The following KCTD17 variants were observed in gnomAD, a reference collection of about 807,000 sequenced individuals.
KCTD17 encodes BTB/POZ domain-containing protein KCTD17.
KCTD17 carries 20 observed loss-of-function variants against 41.5 expected under a neutral mutation model. The observed-to-expected ratio is 0.48, with a 90% confidence interval of 0.34 to 0.70. KCTD17 has a LOEUF of 0.70. KCTD17 is among the 30% of genes least tolerant of loss of function. The pLI is 0.01. For missense variants in KCTD17, 317 were observed against 427.2 expected (o/e 0.74, Z 2.27); for synonymous variants, 156 against 173.8 (o/e 0.90, Z 0.80).
Position 37,062,815 on chromosome 22 carries a change from C to G in KCTD17, c.*221C>G. ...GATGTGTGGCAATGTCTGGCTGTGT[C>G]TCTCCGGCACCTGCGTCCCCTCTCC... On this transcript the variant is annotated 3_prime_UTR_variant, in exon 9 of 9. Coordinates refer to ENST00000403888, the MANE Select transcript of KCTD17 (RefSeq NM_001282684.2). 9.7e-7 allele frequency: 1 copy of G among 1,033,542 alleles called. No individual in the cohort carries two copies. Among genetic ancestry groups the G allele is most frequent in the African/African-American group, 1.6e-5 (1 of 61,742 alleles). The allele number at this position is 1,033,542 out of a possible 1,614,324, so 64.0% of individuals were successfully genotyped here.
At position 37,059,535 on chromosome 22, in the gene KCTD17, C is replaced by T. The variant is rs1254525786; in HGVS notation, c.612+97C>T. 16 of 1,392,336 alleles carry T rather than the reference C, an allele frequency of 1.1e-5. No individual in the cohort carries two copies. In the African/African-American group the frequency reaches 2.0e-4, roughly 17 times the overall value. 86.2% of individuals were successfully genotyped at this position (1,392,336 alleles called of 1,614,324 possible). A position where few individuals can be genotyped will look rare whatever the true frequency, so the allele number is the denominator to read the frequency against. On this transcript the variant is annotated intron_variant, in intron 5 of 8. Transcript: ENST00000403888. ...CCCTGCGCCTGCACCATCCCTCCAC[C>T]TCTCTCCCGCCACCGCCCATGCACA...
chr22:37,055,494 C>G (rs1020390721), intron 2 of KCTD17: 3 of 152,222 alleles, frequency 2.0e-5, no homozygotes, highest in Non-Finnish European at 4.4e-5. Flanking sequence ...GCTCTGTCCC[C>G]AGGGAGCCCA....
chr22:37,059,495 C>T (rs964137208), intron 5 of KCTD17, 57 bp downstream of exon 5: 1 of 1,543,656 alleles, frequency 6.5e-7, no homozygotes, highest in African/African-American at 1.3e-5. Context: ...CCTCCACCCT[C>T]CCCGCCTGTC....
At chr22:37,057,554 A>T in intron 4 of KCTD17, 61 bp downstream of exon 4, 3 of 1,335,342 alleles carry the variant, frequency 2.2e-6, no homozygotes, top group Non-Finnish European at 3.2e-6. Flanking sequence ...CCTCTGACCA[A>T]GCAGGCCCCT....
In KCTD17 at chr22:37,061,255, G is replaced by A. The variant is rs982831531; in HGVS notation, c.784+80G>A. Reference sequence around the variant, plus strand: ...GCCTCTTCCCTCTCTGCCCCTGTCCGGGTTTTCTCTCTGCCTGCTCACGCC... The same window carrying A: ...GCCTCTTCCCTCTCTGCCCCTGTCCAGGTTTTCTCTCTGCCTGCTCACGCC... On this transcript the variant is annotated intron_variant, in intron 7 of 8. Transcript: ENST00000403888. This position sits in a 1 kb window ranked among gnomAD's most constrained non-coding sequence, Gnocchi z 6.6. 46 of 1,543,990 alleles carry A rather than the reference G, an allele frequency of 3.0e-5. No individual in the cohort carries two copies. The highest frequency in any genetic ancestry group is 4.8e-5 in the South Asian group (4 of 83,952).
In KCTD17 at chr22:37,056,412, G is replaced by A; in HGVS notation, c.390+1G>A. On this transcript the variant is annotated splice_donor_variant, in intron 3 of 8. Transcript: ENST00000403888. LOFTEE classifies it high-confidence loss of function. ...AGAGAAGGACTACACGGTCACCCAG[G>A]TCGGGAGCAGGGGCAGCACACACGG... 6.2e-7 allele frequency: 1 copy of A among 1,612,874 alleles called. No homozygotes were observed. Among genetic ancestry groups the A allele is most frequent in the Non-Finnish European group, 8.5e-7 (1 of 1,179,178 alleles).
chr22:37,059,725 AG>A (rs1925557317), intron 5 of KCTD17, among the ~76,000 whole-genome samples: 1 of 152,300 alleles, frequency 6.6e-6, no homozygotes, highest in East Asian at 1.9e-4. Flanking sequence ...GGCATGGACT[AG>A]GGGTCAGGGC....
chr22:37,057,264 C>G (rs544074937), intron 3 of KCTD17, 134 bp from the exon 4 acceptor site: 8 of 744,640 alleles, frequency 1.1e-5, no homozygotes, highest in Admixed American at 6.0e-5. Context: ...CTGCCTCCCC[C>G]CAACCACCTC....
chr22:37,051,746 A>C lies in KCTD17; in HGVS notation c.-15A>C, dbSNP rs1004803237. 8 of 1,216,594 alleles carry C rather than the reference A, an allele frequency of 6.6e-6. No homozygotes were observed. The highest frequency in any genetic ancestry group is 7.2e-6 in the Non-Finnish European group (7 of 978,766). The allele number at this position is 1,216,594 out of a possible 1,614,324, so 75.4% of individuals were successfully genotyped here. ...CCCAGCGCCCGGGAGGAGGATGCAG[A>C]CGCCGCGGCCGGCGATGAGGATGGA... is the stretch of plus-strand genomic sequence containing the variant. On this transcript the variant is annotated 5_prime_UTR_variant, in exon 1 of 9. Coordinates refer to ENST00000403888, the MANE Select transcript of KCTD17 (RefSeq NM_001282684.2).
chr22:37,056,489 AGAG>A (rs1925133252), intron 3 of KCTD17, 78 bp downstream of exon 3: 2 of 1,250,046 alleles, frequency 1.6e-6, no homozygotes, highest in African/African-American at 3.0e-5. Context: ...GGCGGGAAGC[AGAG>A]GAGGTTGGGA....
rs1435573456 is a variant in KCTD17 at position 37,062,635 on chromosome 22, A to G, written c.*41A>G. 6.3e-7 allele frequency: 1 copy of G among 1,590,926 alleles called. No homozygotes were observed. ...TACCATGGGGTGGGCCCCGGGCCTG[A>G]GAAGGAAGAAGCACCCTCTCCCCGG... On this transcript the variant is annotated 3_prime_UTR_variant, in exon 9 of 9. Coordinates refer to ENST00000403888, the MANE Select transcript of KCTD17 (RefSeq NM_001282684.2).
chr22:37,061,731 AC>A lies in KCTD17; in HGVS notation c.875+104del. 6.8e-7 allele frequency: 1 copy of A among 1,475,062 alleles called. No individual in the cohort carries two copies. Among genetic ancestry groups the A allele is most frequent in the Non-Finnish European group, 9.0e-7 (1 of 1,107,694 alleles). The allele number at this position is 1,475,062 out of a possible 1,614,324, so 91.4% of individuals were successfully genotyped here. A position where few individuals can be genotyped will look rare whatever the true frequency, so the allele number is the denominator to read the frequency against. On this transcript the variant is annotated intron_variant, in intron 8 of 8. Transcript: ENST00000403888. The surrounding 1 kb of genome is among the most constrained non-coding windows in gnomAD (Gnocchi z 6.6). ...AGCTTTCGGCTGATTATCTCCACCCACCAAAGTTTCTCATCCGACCTTGGCC... is the reference window on the plus strand; with the variant it reads ...AGCTTTCGGCTGATTATCTCCACCCACAAAGTTTCTCATCCGACCTTGGCC...
chr22:37,059,201 C>T (rs375665017), intron 4 of KCTD17, 112 bp from the exon 5 acceptor site: 11 of 1,486,182 alleles, frequency 7.4e-6, no homozygotes, highest in South Asian at 5.8e-5. Context: ...CGACAAGCCG[C>T]AAGATTAGGA....
At chr22:37,054,798 T>C (rs923801412) in intron 2 of KCTD17, among the ~76,000 whole-genome samples, 3 of 152,154 alleles carry the variant, frequency 2.0e-5, no homozygotes, top group Non-Finnish European at 1.5e-5. Context: ...GGGATAATTC[T>C]CGTAATCAGG....
intron 4 of KCTD17, among the ~76,000 whole-genome samples, chr22:37,058,568 C>G (rs1375299763): frequency 2.6e-5 from 4 of 152,252 alleles, no homozygotes; most frequent in African/African-American, 9.6e-5. Context: ...ATGCCATTCC[C>G]TGCTCCACCC....
At chr22:37,060,173 T>C (rs1042389739) in intron 5 of KCTD17, among the ~76,000 whole-genome samples, 5 of 152,124 alleles carry the variant, frequency 3.3e-5, no homozygotes, top group African/African-American at 1.2e-4. Context: ...AGAGCAGGCG[T>C]GAACCAGGCT....
chr22:37,059,263 C>A, intron 4 of KCTD17, 50 bp from the exon 5 acceptor site: 1 of 1,605,356 alleles, frequency 6.2e-7, no homozygotes, highest in Non-Finnish European at 8.5e-7. Context: ...TCCTGCCCCA[C>A]GGCCCCCAAC....
At position 37,053,090 on chromosome 22, in the gene KCTD17, A is replaced by C; in HGVS notation, c.190-10A>C. 1 of 1,571,266 alleles carries C rather than the reference A, an allele frequency of 6.4e-7. No homozygotes were observed. Among genetic ancestry groups the C allele is most frequent in the Non-Finnish European group, 8.6e-7 (1 of 1,157,144 alleles). ...ACTCTTCTCTCACCGAGCATCCCTC[A>C]CCTCCATAGGATGAGACCGGGGCCT... On this transcript the variant is annotated splice_polypyrimidine_tract_variant and intron_variant, in intron 1 of 8. Coordinates refer to ENST00000403888, the MANE Select transcript of KCTD17 (RefSeq NM_001282684.2). The surrounding 1 kb of genome is among the most constrained non-coding windows in gnomAD (Gnocchi z 4.1).
chr22:37,053,064 C>A lies in KCTD17; in HGVS notation c.190-36C>A. 1 of 1,483,898 alleles carries A rather than the reference C, an allele frequency of 6.7e-7. No homozygotes were observed. The highest frequency in any genetic ancestry group is 9.2e-7 in the Non-Finnish European group (1 of 1,083,650). The allele number at this position is 1,483,898 out of a possible 1,614,324, so 91.9% of individuals were successfully genotyped here. On this transcript the variant is annotated intron_variant, in intron 1 of 8. Transcript: ENST00000403888. This position sits in a 1 kb window ranked among gnomAD's most constrained non-coding sequence, Gnocchi z 4.1. ...TGCGGGGTTGGCTGGGGAGAAGCCTCACTCTTCTCTCACCGAGCATCCCTC... is the reference window on the plus strand; with the variant it reads ...TGCGGGGTTGGCTGGGGAGAAGCCTAACTCTTCTCTCACCGAGCATCCCTC...
Sources: allele counts gnomAD v4.1 joint callset (sites outside exome capture counted in the v4.1 genomes callset), GRCh38; gene constraint gnomAD v4.1.1; non-coding constraint Gnocchi (gnomAD v3.1); transcripts MANE v1.5; gene names NCBI Gene and HGNC (gene_info 2026-07-23, HGNC 2026-07-21).